Variants in CUX1 observed in about 807,000 individuals in gnomAD.
CUX1 encodes cut like homeobox 1, also known as protein CASP.
Under a neutral mutation model 158.8 loss-of-function variants are expected in CUX1, and 31 were observed. The ratio of observed to expected loss-of-function variants is 0.20; its 90% confidence interval spans 0.15 to 0.26. The LOEUF is 0.26. Among genes scored for constraint, CUX1 ranks in the 10% least tolerant of loss-of-function variants. The probability of loss-of-function intolerance (pLI) is 1.00; values close to 1 mark genes in which losing one functional copy is unlikely to be tolerated. For synonymous variants in CUX1, 879 were observed against 862.1 expected, an observed-to-expected ratio of 1.02 and a Z score of -0.34; for missense variants, 1,589 against 2,014.6, an observed-to-expected ratio of 0.79 and a Z score of 4.04.
chr7:102,138,969 G>T (rs1389332886), intron 8 of CUX1, among the ~76,000 whole-genome samples: 4 of 152,156 alleles, frequency 2.6e-5, no homozygotes, highest in Admixed American at 6.6e-5. Flanking sequence ...GCTTGGCCGG[G>T]CATTGTGGGT....
chr7:101,850,321 A>G (rs1199092629), intron 1 of CUX1, among the ~76,000 whole-genome samples: 1 of 151,912 alleles, frequency 6.6e-6, no homozygotes, highest in East Asian at 1.9e-4. Flanking sequence ...AACATTTTAT[A>G]AGGCTTAATA....
At chr7:101,978,645 C>T (rs1292755498) in intron 2 of CUX1, among the ~76,000 whole-genome samples, 2 of 152,254 alleles carry the variant, frequency 1.3e-5, no homozygotes, top group African/African-American at 4.8e-5. Context: ...CTTCCACATT[C>T]TGTGACCCCA....
At chr7:101,935,407 G>A (rs932659920) in intron 2 of CUX1, among the ~76,000 whole-genome samples, 3 of 152,158 alleles carry the variant, frequency 2.0e-5, no homozygotes, top group South Asian at 2.1e-4. Context: ...AAGCCTGTTT[G>A]GTGGTCTTTT....
intron 2 of CUX1, among the ~76,000 whole-genome samples, chr7:101,989,221 C>G (rs1350814615): frequency 6.6e-6 from 1 of 152,158 alleles, no homozygotes; most frequent in Non-Finnish European, 1.5e-5. Flanking sequence ...AGGCCTCCGT[C>G]CTCCACCCAG....
chr7:102,173,753 G>A (rs782406206), intron 10 of CUX1, among the ~76,000 whole-genome samples: 26 of 152,272 alleles, frequency 1.7e-4, no homozygotes, highest in African/African-American at 3.6e-4. Flanking sequence ...GGTAGAGTCC[G>A]TTGTGGATCC....
chr7:102,253,212 G>A lies in CUX1; in HGVS notation c.*4170G>A. 2.0e-6 allele frequency: 2 copies of A among 985,488 alleles called. No homozygotes were observed. The highest frequency in any genetic ancestry group is 2.4e-6 in the Non-Finnish European group (2 of 829,962). 61.0% of individuals were successfully genotyped at this position (985,488 alleles called of 1,614,324 possible). On this transcript the variant is annotated 3_prime_UTR_variant, in exon 24 of 24. Coordinates refer to ENST00000292535, the MANE Select transcript of CUX1 (RefSeq NM_181552.4). The stretch of plus-strand genomic sequence containing the variant: ...GTTGGCGGTCCGGGCCCAGAGTGCA[G>A]CAGAGCTCTGGGTTAAATATTCCTT...
chr7:101,968,214 T>C (rs1213814707), intron 2 of CUX1, among the ~76,000 whole-genome samples: 1 of 152,176 alleles, frequency 6.6e-6, no homozygotes, highest in Non-Finnish European at 1.5e-5. Context: ...ACTAGGGTTG[T>C]ATCGTTTGTC....
intron 7 of CUX1, 114 bp from the exon 8 acceptor site, chr7:102,115,093 C>T (rs1831301557): frequency 2.4e-6 from 2 of 849,754 alleles, no homozygotes; most frequent in African/African-American, 1.8e-5. Context: ...TTTATTTTTC[C>T]ACGCACCTCG....
chr7:102,248,899 C>G lies in CUX1; in HGVS notation c.4375C>G (p.Leu1459Val), dbSNP rs1306124346. The G allele has an allele frequency of 2.1e-6, 3 of 1,428,662 alleles. No individual in the cohort carries two copies. Among genetic ancestry groups the G allele is most frequent in the Non-Finnish European group, 2.8e-6 (3 of 1,085,350 alleles). 88.5% of individuals were successfully genotyped at this position (1,428,662 alleles called of 1,614,324 possible). A position where few individuals can be genotyped will look rare whatever the true frequency, so the allele number is the denominator to read the frequency against. ...CCGCAGGCCCAGCTCGCTGCAGAGC[C>G]TTTTCGGCCTCCCCGAGGCCGCGGG... Reference protein sequence around the residue: ...APRRPSSLQSLFGLPEAAGAR... With the variant: ...APRRPSSLQSVFGLPEAAGAR... Residue 1459 changes from leucine (L) to valine (V), a missense_variant, in exon 24 of 24, where the codon CTT becomes GTT. Leu to Val is a conservative substitution (Grantham distance 32). Around this residue, in one of 8 missense-constraint regions of CUX1, gnomAD observed 344 missense variants for 323.7 expected, o/e 1.06. Coordinates refer to ENST00000292535, the MANE Select transcript of CUX1 (RefSeq NM_181552.4). This position sits in a 1 kb window ranked among gnomAD's most constrained non-coding sequence, Gnocchi z 5.8.
chr7:102,185,293 G>A (rs2131849608), intron 11 of CUX1, among the ~76,000 whole-genome samples: 1 of 152,294 alleles, frequency 6.6e-6, no homozygotes, highest in South Asian at 2.1e-4. Context: ...TAAGCTCTAA[G>A]TACCCAATAT....
At chr7:101,929,965 C>T (rs1284951289) in intron 2 of CUX1, among the ~76,000 whole-genome samples, 1 of 152,136 alleles carries the variant, frequency 6.6e-6, no homozygotes, top group Non-Finnish European at 1.5e-5. Context: ...CCTCAGCCTC[C>T]CAAGTAGCTG....
chr7:101,944,395 T>G (rs1808114901), intron 2 of CUX1, among the ~76,000 whole-genome samples: 1 of 152,340 alleles, frequency 6.6e-6, no homozygotes, highest in Non-Finnish European at 1.5e-5. Context: ...TCTGGCAGTC[T>G]CAGCAGTAAG....
At chr7:101,915,380 C>T (rs1804065945) in intron 1 of CUX1, among the ~76,000 whole-genome samples, 2 of 152,180 alleles carry the variant, frequency 1.3e-5, no homozygotes, top group African/African-American at 4.8e-5. Flanking sequence ...TAGCGGGTCC[C>T]TCATGGGGAA....
chr7:102,080,688 C>T (rs1192921357), intron 4 of CUX1, among the ~76,000 whole-genome samples: 2 of 152,192 alleles, frequency 1.3e-5, no homozygotes, highest in African/African-American at 2.4e-5. Context: ...CGCCCCCAGC[C>T]GAATCCAAAA....
At chr7:101,994,251 C>G (rs1815523420) in intron 2 of CUX1, among the ~76,000 whole-genome samples, 1 of 152,232 alleles carries the variant, frequency 6.6e-6, no homozygotes, top group African/African-American at 2.4e-5. Flanking sequence ...GCTGGCATTA[C>G]TTGGACATTC....
Position 102,195,611 on chromosome 7 carries a change from G to A in CUX1, c.1222+8G>A. 6.2e-7 allele frequency: 1 copy of A among 1,600,130 alleles called. No homozygotes were observed. The highest frequency in any genetic ancestry group is 8.5e-7 in the Non-Finnish European group (1 of 1,174,570). ...CCAACAGCGACCTGAGCGGTAGGTT[G>A]GCCGGGCTTCGCGCGTGTGCGGTGG... On this transcript the variant is annotated splice_region_variant and intron_variant, in intron 14 of 23. Coordinates refer to ENST00000292535, the MANE Select transcript of CUX1 (RefSeq NM_181552.4).
intron 6 of CUX1, among the ~76,000 whole-genome samples, chr7:102,107,185 G>C (rs1830448104): frequency 6.6e-6 from 1 of 150,704 alleles, no homozygotes; most frequent in African/African-American, 2.4e-5. Flanking sequence ...AGTGAGCTAT[G>C]ATCAGGCCAC....
chr7:102,120,619 A>G (rs1019720005), intron 8 of CUX1, among the ~76,000 whole-genome samples: 7 of 152,240 alleles, frequency 4.6e-5, no homozygotes, highest in African/African-American at 7.2e-5. Flanking sequence ...TCTTTATAAC[A>G]TGTATATAAC....
chr7:102,167,422 C>T (rs1791173715), intron 9 of CUX1, among the ~76,000 whole-genome samples: 1 of 152,234 alleles, frequency 6.6e-6, no homozygotes, highest in Non-Finnish European at 1.5e-5. Context: ...ACCATGTAGG[C>T]TCCCGGGGAC....
Sources: allele counts gnomAD v4.1 joint callset (sites outside exome capture counted in the v4.1 genomes callset), GRCh38; gene constraint gnomAD v4.1.1; regional missense constraint gnomAD v4.1.1; non-coding constraint Gnocchi (gnomAD v3.1); transcripts MANE v1.5; gene names NCBI Gene and HGNC (gene_info 2026-07-23, HGNC 2026-07-21).